DLC1: variants seen among roughly 807,000 people sequenced by gnomAD.
The protein encoded by DLC1 is rho GTPase-activating protein 7.
In DLC1, 54 loss-of-function variants were observed where a neutral mutation model predicts 140.3. The observed-to-expected ratio is 0.38, with a 90% CI of 0.31 to 0.48. DLC1 has a LOEUF of 0.48. DLC1 is among the 20% of genes least tolerant of loss of function. The pLI, the probability that DLC1 is intolerant of heterozygous loss-of-function variation, is 0.96. For synonymous variants in DLC1, 986 were observed against 728.1 expected (o/e 1.35, Z -5.70); for missense variants, 2,536 against 1,907.0 (o/e 1.33, Z -6.14).
At chr8:13,187,781 T>C (rs927680218) in intron 5 of DLC1, among the ~76,000 whole-genome samples, 3 of 152,148 alleles carry the variant, frequency 2.0e-5, no homozygotes, top group Non-Finnish European at 4.4e-5. Flanking sequence ...CTAACATTTG[T>C]GGGATATTCA....
At chr8:13,500,873 T>C (rs996986479) in intron 1 of DLC1, among the ~76,000 whole-genome samples, 1 of 152,198 alleles carries the variant, frequency 6.6e-6, no homozygotes, top group Admixed American at 6.5e-5. Context: ...CTGCTACTAC[T>C]AGCTTGCAAG....
At chr8:13,368,164 G>T (rs1289987935) in intron 4 of DLC1, among the ~76,000 whole-genome samples, 2 of 152,074 alleles carry the variant, frequency 1.3e-5, no homozygotes, top group African/African-American at 4.8e-5. Context: ...AGACATAATT[G>T]GGAATTTTTA....
At chr8:13,263,470 C>G (rs1411143377) in intron 5 of DLC1, among the ~76,000 whole-genome samples, 1 of 151,850 alleles carries the variant, frequency 6.6e-6, no homozygotes, top group Non-Finnish European at 1.5e-5. Context: ...AGAAATATTA[C>G]TTATTACTTA....
chr8:13,227,548 T>C (rs969808417), intron 5 of DLC1, among the ~76,000 whole-genome samples: 7 of 152,334 alleles, frequency 4.6e-5, no homozygotes, highest in Non-Finnish European at 8.8e-5. Context: ...GCTATCTCCA[T>C]GCATTGATGT....
chr8:13,439,881 C>T (rs1014683860), intron 2 of DLC1, among the ~76,000 whole-genome samples: 6 of 152,100 alleles, frequency 3.9e-5, no homozygotes, highest in Non-Finnish European at 7.3e-5. Context: ...TAAACACAAT[C>T]GCCTCACAGA....
In DLC1 at chr8:13,137,175, G is replaced by A. The variant is rs559629237; in HGVS notation, c.1349-21518C>T. On this transcript the variant is annotated intron_variant, in intron 5 of 17. Transcript: ENST00000276297. ...TCATGAAGAGTGTCAACAAACAGTG[G>A]CGCTTTACCTCTTAGGGTCCCCAGG... Among the ~76,000 whole-genome samples the A allele has an allele frequency of 1.4e-4, 22 of 152,256 alleles. 1 individual carries two copies. Among genetic ancestry groups the A allele is most frequent in the Admixed American group, 8.5e-4 (13 of 15,292 alleles).
At chr8:13,529,932 A>C (rs1276740762) in intron 1 of DLC1, among the ~76,000 whole-genome samples, 2 of 152,228 alleles carry the variant, frequency 1.3e-5, no homozygotes, top group Admixed American at 6.5e-5. Flanking sequence ...ACGAAAGGCT[A>C]CTAGGAAATT....
chr8:13,155,229 C>T (rs893659115), intron 5 of DLC1, among the ~76,000 whole-genome samples: 5 of 151,050 alleles, frequency 3.3e-5, no homozygotes, highest in East Asian at 1.9e-4. Context: ...TGGCTATATC[C>T]TAATTATTTA....
At chr8:13,090,523 C>A (rs1352736568) in intron 14 of DLC1, 53 bp from the exon 15 acceptor site, 53 of 1,590,014 alleles carry the variant, frequency 3.3e-5, no homozygotes, top group Non-Finnish European at 4.4e-5. Context: ...TACTCAATCT[C>A]AATGCCCATC....
At chr8:13,585,389 C>G (rs1805264425) in intron 1 of DLC1, among the ~76,000 whole-genome samples, 1 of 151,990 alleles carries the variant, frequency 6.6e-6, no homozygotes. Context: ...CATAGCAAGA[C>G]TCTCATCTCT....
chr8:13,195,422 C>A (rs1040754299), intron 5 of DLC1, among the ~76,000 whole-genome samples: 2 of 152,174 alleles, frequency 1.3e-5, no homozygotes, highest in African/African-American at 4.8e-5. Context: ...ATAAATAGCT[C>A]CTGCCAATGG....
intron 2 of DLC1, among the ~76,000 whole-genome samples, chr8:13,490,641 A>C (rs1474687549): frequency 1.3e-5 from 2 of 152,172 alleles, no homozygotes; most frequent in Non-Finnish European, 2.9e-5. Context: ...AAGATTAATA[A>C]ATTGGTCATG....
intron 1 of DLC1, among the ~76,000 whole-genome samples, chr8:13,522,281 C>T (rs1219939109): frequency 1.3e-5 from 2 of 152,034 alleles, no homozygotes; most frequent in Admixed American, 1.3e-4. Flanking sequence ...AACAATGGAA[C>T]GACTTTGGCC....
At chr8:13,170,488 T>TG (rs1259447482) in intron 5 of DLC1, among the ~76,000 whole-genome samples, 1 of 152,138 alleles carries the variant, frequency 6.6e-6, no homozygotes, top group Admixed American at 6.5e-5. Flanking sequence ...CCCAGCACTT[T>TG]GCGGGGCCAA....
At chr8:13,411,318 A>G (rs1424508496) in intron 2 of DLC1, among the ~76,000 whole-genome samples, 1 of 152,230 alleles carries the variant, frequency 6.6e-6, no homozygotes, top group Non-Finnish European at 1.5e-5. Flanking sequence ...CTGACGAGCT[A>G]TCTACTGAAT....
intron 1 of DLC1, among the ~76,000 whole-genome samples, chr8:13,585,381 T>G (rs1021092251): frequency 6.6e-6 from 1 of 151,920 alleles, no homozygotes; most frequent in Non-Finnish European, 1.5e-5. Flanking sequence ...CTAGGAAACA[T>G]AGCAAGACTC....
intron 2 of DLC1, among the ~76,000 whole-genome samples, chr8:13,433,524 A>G (rs929432114): frequency 1.3e-5 from 2 of 152,252 alleles, no homozygotes; most frequent in Non-Finnish European, 2.9e-5. Context: ...CAAATGTTTA[A>G]AAAGTGATAA....
chr8:13,216,674 T>C (rs1182451661), intron 5 of DLC1, among the ~76,000 whole-genome samples: 2 of 152,126 alleles, frequency 1.3e-5, no homozygotes, highest in Non-Finnish European at 2.9e-5. Context: ...TAGCCCAGGG[T>C]TTCTCAACCT....
intron 1 of DLC1, among the ~76,000 whole-genome samples, chr8:13,503,267 G>A (rs1401664876): frequency 6.6e-6 from 1 of 152,068 alleles, no homozygotes; most frequent in Non-Finnish European, 1.5e-5. Context: ...AGCCAGGAGT[G>A]GTGGCGTGCA....
Sources: allele counts gnomAD v4.1 joint callset (sites outside exome capture counted in the v4.1 genomes callset), GRCh38; gene constraint gnomAD v4.1.1; transcripts MANE v1.5; gene names NCBI Gene and HGNC (gene_info 2026-07-23, HGNC 2026-07-21).